Variants in LIPE observed in about 807,000 individuals in gnomAD.
The protein encoded by LIPE is hormone-sensitive lipase.
Under a neutral mutation model 88.5 loss-of-function variants are expected in LIPE, and 66 were observed. That is an observed-to-expected ratio of 0.75 (90% CI 0.61 to 0.91). The LOEUF is 0.91. Among genes scored for constraint, LIPE ranks in the 40% least tolerant of loss-of-function variants. The pLI, the probability that LIPE is intolerant of heterozygous loss-of-function variation, is 0.00. For synonymous variants in LIPE, 570 were observed against 617.5 expected, an observed-to-expected ratio of 0.92 and a Z score of 1.14; for missense variants, 1,346 against 1,434.7, an observed-to-expected ratio of 0.94 and a Z score of 1.00.
rs2040325219 is a variant in LIPE, at chr19:42,410,068, G to A, written c.1419+239C>T. On this transcript the variant is annotated intron_variant, in intron 2 of 9. Transcript: ENST00000244289. The surrounding 1 kb of genome is among the most constrained non-coding windows in gnomAD (Gnocchi z 6.1). Reference sequence around the variant, plus strand: ...ACAATAGAGAGTAGTGGATATCCTGGTGAAAAAAGCTCTGCAAGTTGCATT... The same window carrying A: ...ACAATAGAGAGTAGTGGATATCCTGATGAAAAAAGCTCTGCAAGTTGCATT... Among the ~76,000 whole-genome samples, 1 of 152,164 alleles carries A rather than the reference G, an allele frequency of 6.6e-6. No homozygotes were observed. The highest frequency in any genetic ancestry group is 2.4e-5 in the African/African-American group (1 of 41,434).
chr19:42,417,828 GGT>G (rs2040518761), intron 1 of LIPE, among the ~76,000 whole-genome samples: 1 of 151,682 alleles, frequency 6.6e-6, no homozygotes, highest in South Asian at 2.1e-4. Flanking sequence ...GATCAACCTG[GGT>G]AACATAGTGA....
rs1194311142 is a variant in LIPE, at chr19:42,408,180, G to C, written c.1510+52C>G. 1.9e-6 allele frequency: 3 copies of C among 1,613,674 alleles called. No homozygotes were observed. Among genetic ancestry groups the C allele is most frequent in the East Asian group, 2.2e-5 (1 of 44,872 alleles). Reference sequence around the variant, plus strand: ...TGGGTCAGGCTGCTTGGGCAGGAGTGGGGAGGAGGGCCAAGAGAGTAGGCT... The same window carrying C: ...TGGGTCAGGCTGCTTGGGCAGGAGTCGGGAGGAGGGCCAAGAGAGTAGGCT... On this transcript the variant is annotated intron_variant, in intron 3 of 9. Coordinates refer to ENST00000244289, the MANE Select transcript of LIPE (RefSeq NM_005357.4). This position sits in a 1 kb window ranked among gnomAD's most constrained non-coding sequence, Gnocchi z 4.3.
At chr19:42,402,437 T>C (rs903009437) in intron 9 of LIPE, among the ~76,000 whole-genome samples, 170 bp downstream of exon 9, 1 of 152,140 alleles carries the variant, frequency 6.6e-6, no homozygotes, top group Non-Finnish European at 1.5e-5. Flanking sequence ...GCCCTGACTC[T>C]TGTCCTCCTC....
Position 42,426,538 on chromosome 19 carries a change from C to T in LIPE, c.612G>A (p.Leu204=). The T allele has an allele frequency of 6.2e-7, 1 of 1,614,190 alleles. No homozygotes were observed. The highest frequency in any genetic ancestry group is 8.5e-7 in the Non-Finnish European group (1 of 1,180,036). ...AKSKQGSLTE[L]GFLTKLQELS... ...GTTCCTGAAGTTTTGTTAGAAATCC[C>T]AGCTCTGTCAAAGATCCCTGCTTGG... Residue 204 remains leucine, a synonymous_variant, in exon 1 of 10, where the codon CTG becomes CTA. Coordinates refer to ENST00000244289, the MANE Select transcript of LIPE (RefSeq NM_005357.4).
chr19:42,420,835 C>G (rs1414551944), intron 1 of LIPE, among the ~76,000 whole-genome samples: 1 of 152,116 alleles, frequency 6.6e-6, no homozygotes, highest in Non-Finnish European at 1.5e-5. Flanking sequence ...TTCAACACCC[C>G]CTCCCTTGCT....
In LIPE at chr19:42,407,600, C is replaced by A. The variant is rs1170367686; in HGVS notation, c.1842+6G>T. 3.1e-6 allele frequency: 5 copies of A among 1,601,986 alleles called. No homozygotes were observed. The highest frequency in any genetic ancestry group is 4.3e-6 in the Non-Finnish European group (5 of 1,173,162). On this transcript the variant is annotated splice_donor_region_variant and intron_variant, in intron 5 of 9. Transcript: ENST00000244289. This position sits in a 1 kb window ranked among gnomAD's most constrained non-coding sequence, Gnocchi z 5.8. Reference sequence around the variant, plus strand: ...TCCCTGTCCCTGGCTGAGGCTGGAACCCTACCTGTCCTTCACGCAGGTCAT... The same window carrying A: ...TCCCTGTCCCTGGCTGAGGCTGGAAACCTACCTGTCCTTCACGCAGGTCAT...
intron 9 of LIPE, 59 bp downstream of exon 9, chr19:42,402,548 C>G: frequency 1.4e-6 from 2 of 1,395,404 alleles, no homozygotes; most frequent in Non-Finnish European, 1.9e-6. Context: ...GGTCCCCCTC[C>G]TCCCCGGGTG....
chr19:42,419,802 A>T (rs893380765), intron 1 of LIPE, among the ~76,000 whole-genome samples: 1 of 152,120 alleles, frequency 6.6e-6, no homozygotes, highest in South Asian at 2.1e-4. Context: ...GGTGGGGACA[A>T]TGAGTGGCTG....
rs1410315386 is a variant in LIPE, at chr19:42,407,242, G to A, written c.2069C>T (p.Pro690Leu). 5 of 1,587,684 alleles carry A rather than the reference G, an allele frequency of 3.1e-6. No homozygotes were observed. The highest frequency in any genetic ancestry group is 3.4e-6 in the Non-Finnish European group (4 of 1,167,040). The change falls in exon 6 of 10, where the codon CCC (proline) becomes CTC (leucine). Residue 690 changes from proline (P) to leucine (L), a missense_variant. Physicochemically the swap from Pro to Leu is moderately conservative, Grantham distance 98. Coordinates refer to ENST00000244289, the MANE Select transcript of LIPE (RefSeq NM_005357.4). The surrounding 1 kb of genome is among the most constrained non-coding windows in gnomAD (Gnocchi z 5.8). ...SIDYSLAPEA[P>L]FPRALEECFF... The stretch of plus-strand genomic sequence containing the variant: ...GCACTCCTCCAGCGCACGGGGGAAG[G>A]GGGCCTCAGGGGCCAGGGAGTAGTC...
intron 8 of LIPE, among the ~76,000 whole-genome samples, chr19:42,405,041 A>AT (rs577315770): frequency 9.2e-5 from 14 of 151,492 alleles, no homozygotes; most frequent in Non-Finnish European, 1.8e-4. Flanking sequence ...CTGCTAATTT[A>AT]TTTTTTTGTA....
rs748734128 is a variant in LIPE at position 42,403,010 on chromosome 19, G to A, written c.2564C>T (p.Ser855Phe). The A allele has an allele frequency of 4.8e-5, 76 of 1,580,660 alleles. No individual in the cohort carries two copies. The highest frequency in any genetic ancestry group is 6.4e-5 in the Non-Finnish European group (74 of 1,165,310). ...PIAEPMRRSV[S>F]EAALAQPQGP... ...CTGGGGCTGGGCCAGTGCTGCTTCA[G>A]ACACACTGCGGCGCATCGGCTCTGA... The change falls in exon 9 of 10, where the codon TCT becomes TTT. Residue 855 changes from serine (S) to phenylalanine (F), a missense_variant. Transcript: ENST00000244289.
intron 1 of LIPE, chr19:42,424,328 C>G (rs2040666051): frequency 2.2e-6 from 1 of 458,232 alleles, no homozygotes; most frequent in Non-Finnish European, 4.4e-6. Context: ...AGAGGAGGCT[C>G]GAGGCTTGCT....
At chr19:42,402,142 G>A (rs2039997801) in intron 9 of LIPE, 67 bp from the exon 10 acceptor site, 2 of 1,381,814 alleles carry the variant, frequency 1.4e-6, no homozygotes, top group African/African-American at 1.5e-5. Context: ...CGGGTAGAGC[G>A]AGGAGGGGTT....
intron 1 of LIPE, chr19:42,423,138 T>C (rs969429080): frequency 1.0e-5 from 3 of 299,874 alleles, no homozygotes; most frequent in Non-Finnish European, 2.0e-5. Context: ...ACACAGCGAA[T>C]ACGGAATCCG....
Position 42,408,262 on chromosome 19 carries a change from C to G in LIPE, c.1480G>C (p.Glu494Gln). The G allele has an allele frequency of 3.1e-6, 5 of 1,614,044 alleles. No homozygotes were observed. Among genetic ancestry groups the G allele is most frequent in the Non-Finnish European group, 4.2e-6 (5 of 1,179,990 alleles). The change falls in exon 3 of 10, where the codon GAG becomes CAG. Residue 494 changes from glutamate (E) to glutamine (Q), a missense_variant. Physicochemically the swap from Glu to Gln is conservative, Grantham distance 29. Transcript: ENST00000244289. The surrounding 1 kb of genome is among the most constrained non-coding windows in gnomAD (Gnocchi z 4.3). The part of the protein sequence containing the change: ...TISIGLVSFG[E>Q]HYKRNETGLS... ...CCTGTCTCGTTGCGTTTGTAGTGCT[C>G]CCCGAAGGACACCAGCCCAATGGAG...
rs1397597991 is a variant in LIPE at position 42,402,997 on chromosome 19, C to T, written c.2577G>A (p.Leu859=). 6.3e-7 allele frequency: 1 copy of T among 1,593,538 alleles called. No individual in the cohort carries two copies. The highest frequency in any genetic ancestry group is 1.3e-5 in the African/African-American group (1 of 74,626). ...TGCCCAGTGGGCCCTGGGGCTGGGC[C>T]AGTGCTGCTTCAGACACACTGCGGC... The part of the protein sequence containing the change: ...PMRRSVSEAA[L]AQPQGPLGTD... Residue 859 remains leucine, a synonymous_variant, in exon 9 of 10, where the codon CTG becomes CTA. Transcript: ENST00000244289.
chr19:42,405,351 C>CT, intron 8 of LIPE, 34 bp downstream of exon 8: 1 of 1,604,948 alleles, frequency 6.2e-7, no homozygotes, highest in Non-Finnish European at 8.5e-7. Flanking sequence ...CCTGCCCACC[C>CT]TGGCTGGGCA....
intron 2 of LIPE, among the ~76,000 whole-genome samples, chr19:42,409,520 C>T (rs1028874732): frequency 5.9e-5 from 9 of 152,074 alleles, no homozygotes; most frequent in Non-Finnish European, 1.2e-4. Flanking sequence ...CAAGTTCCTA[C>T]TGCATGCTAG....
In LIPE at chr19:42,426,380, C is replaced by T; in HGVS notation, c.770G>A (p.Gly257Glu). Residue 257 changes from glycine (G) to glutamate (E), a missense_variant, in exon 1 of 10, where the codon GGA becomes GAA. Transcript: ENST00000244289. ...PATMGGMVAQ[G>E]VKLGFKGKSG... ...TTTTCCTTTGAAGCCTAGCTTCACT[C>T]CCTGGGCCACCATTCCACCCATCGT... 6.2e-7 allele frequency: 1 copy of T among 1,614,042 alleles called. No homozygotes were observed. The highest frequency in any genetic ancestry group is 8.5e-7 in the Non-Finnish European group (1 of 1,179,982).
Sources: gnomAD v4.1 joint callset for allele counts (sites outside exome capture counted in the v4.1 genomes callset) on GRCh38, gnomAD v4.1.1 for gene constraint, Gnocchi (gnomAD v3.1) non-coding constraint, MANE v1.5 for transcripts, NCBI Gene and HGNC (gene_info 2026-07-23, HGNC 2026-07-21) for gene names.